The following PAX6 variants were observed in gnomAD, a reference collection of about 807,000 sequenced individuals.
PAX6 encodes the protein paired box protein Pax-6.
Under a neutral mutation model 60.7 loss-of-function variants are expected in PAX6, and 7 were observed. The observed-to-expected ratio is 0.12, with a 90% CI of 0.07 to 0.22. The LOEUF is 0.22. Ranked by LOEUF, PAX6 falls within the 10% of genes least tolerant of loss-of-function variation. PAX6 has a pLI of 1.00. For missense variants in PAX6, 355 were observed against 555.2 expected (o/e 0.64, Z 3.62); for synonymous variants, 208 against 201.2 (o/e 1.03, Z -0.29).
upstream of PAX6, chr11:31,813,099 G>T (rs1957199686): frequency 6.6e-6 from 1 of 152,064 alleles, no homozygotes; most frequent in Non-Finnish European, 1.5e-5. Context: ...GCTGGGGAGG[G>T]CTGCCGGCTC....
At position 31,789,574 on chromosome 11, in the gene PAX6, T is replaced by C; in HGVS notation, c.*360A>G. Reference sequence around the variant, plus strand: ...CAAAGCTTGTTGATCATGGTTTTCTTTTTAAAAAAAAAAAAAACAACTTCA... The same window carrying C: ...CAAAGCTTGTTGATCATGGTTTTCTCTTTAAAAAAAAAAAAAACAACTTCA... On this transcript the variant is annotated 3_prime_UTR_variant, in exon 14 of 14. Transcript: ENST00000640368. 1 of 607,196 alleles carries C rather than the reference T, an allele frequency of 1.6e-6. No individual in the cohort carries two copies. Among genetic ancestry groups the C allele is most frequent in the Non-Finnish European group, 2.9e-6 (1 of 345,768 alleles). The allele number at this position is 607,196 out of a possible 1,614,324, so 37.6% of individuals were successfully genotyped here.
chr11:31,799,325 G>T (rs998752339), intron 8 of PAX6, among the ~76,000 whole-genome samples: 2 of 152,056 alleles, frequency 1.3e-5, no homozygotes, highest in African/African-American at 4.8e-5. Flanking sequence ...GGCCCCGCGC[G>T]TCAGGAGGCC....
At chr11:31,795,049 G>A (rs976730756) in intron 8 of PAX6, among the ~76,000 whole-genome samples, 1 of 152,146 alleles carries the variant, frequency 6.6e-6, no homozygotes, top group African/African-American at 2.4e-5. Flanking sequence ...AATAAGCACT[G>A]AAGTTTCCAA....
intron 12 of PAX6, chr11:31,793,174 A>T: frequency 3.1e-6 from 2 of 637,282 alleles, no homozygotes; most frequent in Non-Finnish European, 5.7e-6. Flanking sequence ...ACCCAACATT[A>T]TCAAGGTAAC....
chr11:31,805,617 C>G (rs1955536285), intron 4 of PAX6: 1 of 152,712 alleles, frequency 6.5e-6, no homozygotes, highest in South Asian at 2.1e-4. Flanking sequence ...TCTAGACTAG[C>G]CCTGCCGCGT....
At chr11:31,797,805 G>A (rs1415647867) in intron 8 of PAX6, among the ~76,000 whole-genome samples, 3 of 152,168 alleles carry the variant, frequency 2.0e-5, no homozygotes, top group Non-Finnish European at 2.9e-5. Context: ...CTAAGTGGTG[G>A]ACAATTAAGA....
chr11:31,806,108 G>T (rs1188307858), intron 4 of PAX6: 4 of 451,850 alleles, frequency 8.9e-6, no homozygotes, highest in South Asian at 4.9e-5. Context: ...GGCGAGAGGG[G>T]GTGTGAGTTA....
intron 1 of PAX6, among the ~76,000 whole-genome samples, chr11:31,817,635 C>T (rs949007452): frequency 2.6e-5 from 4 of 152,240 alleles, no homozygotes; most frequent in African/African-American, 7.2e-5. Flanking sequence ...CCTCCACCCC[C>T]CTTCCTATCC....
chr11:31,795,387 G>T (rs1951171057), intron 8 of PAX6, among the ~76,000 whole-genome samples: 1 of 152,190 alleles, frequency 6.6e-6, no homozygotes. Flanking sequence ...TTGTATGAGT[G>T]CGCTTCGCCT....
intron 12 of PAX6, chr11:31,792,344 G>A (rs1950203066): frequency 6.6e-6 from 1 of 152,194 alleles, no homozygotes; most frequent in Non-Finnish European, 1.5e-5. Context: ...ATATCCAGAT[G>A]CAATAAAAAT....
At position 31,802,669 on chromosome 11, in the gene PAX6, G is replaced by C. The variant is rs191712324; in HGVS notation, c.141+35C>G. The C allele has an allele frequency of 3.8e-6, 6 of 1,598,716 alleles. No homozygotes were observed. The African/African-American group carries it at 4.0e-5, about 11-fold the overall frequency. ...GAGGGCGTTGAGAGTGGAGGGCCGC[G>C]GGGGCGGCGAGTGGGGCGGCGCCGG... On this transcript the variant is annotated intron_variant, in intron 5 of 13. Coordinates refer to ENST00000640368, the MANE Select transcript of PAX6 (RefSeq NM_001368894.2).
At chr11:31,802,214 TACTC>T (rs1333203574) in intron 5 of PAX6, 5 of 416,966 alleles carry the variant, frequency 1.2e-5, no homozygotes, top group East Asian at 4.9e-5. Flanking sequence ...CTTTAAAAAA[TACTC>T]AATTGAGTAA....
Position 31,789,543 on chromosome 11 carries a change from T to G in PAX6, c.*391A>C. The stretch of plus-strand genomic sequence containing the variant: ...ATATATCTTGATAAAACTCTTAAAT[T>G]CGTGGCAAAGCTTGTTGATCATGGT... On this transcript the variant is annotated 3_prime_UTR_variant, in exon 14 of 14. Transcript: ENST00000640368. The G allele has an allele frequency of 1.7e-6, 1 of 599,864 alleles. No individual in the cohort carries two copies. Among genetic ancestry groups the G allele is most frequent in the Non-Finnish European group, 2.9e-6 (1 of 341,824 alleles). 37.2% of individuals were successfully genotyped at this position (599,864 alleles called of 1,614,324 possible).
chr11:31,813,059 TG>T (rs1336700030), upstream of PAX6: 1 of 151,596 alleles, frequency 6.6e-6, no homozygotes, highest in African/African-American at 2.4e-5. Flanking sequence ...TAGCCAGAGG[TG>T]GGGTCGCATA....
chr11:31,803,669 G>A (rs985818195), intron 4 of PAX6: 1 of 152,494 alleles, frequency 6.6e-6, no homozygotes, highest in Admixed American at 6.5e-5. Flanking sequence ...TTAGAGCCGG[G>A]AGTCGGTTCG....
Position 31,793,512 on chromosome 11 carries a change from T to A in PAX6, c.1000A>T (p.Thr334Ser). 6.2e-7 allele frequency: 1 copy of A among 1,614,208 alleles called. No homozygotes were observed. Among genetic ancestry groups the A allele is most frequent in the South Asian group, 1.1e-5 (1 of 91,090 alleles). Residue 334 changes from threonine to serine, a missense_variant, in exon 12 of 14, where the codon ACA becomes TCA. Thr to Ser is a moderately conservative substitution (Grantham distance 58, BLOSUM62 1). Around this residue, in one of 5 missense-constraint regions of PAX6, gnomAD observed 149 missense variants for 191.9 expected, o/e 0.78. Transcript: ENST00000640368. Reference protein sequence around the residue: ...TSGSMLGRTDTALTNTYSALP... With the variant: ...TSGSMLGRTDSALTNTYSALP... ...GCGCTGTAGGTGTTTGTGAGGGCTG[T>A]GTCTGTTCGGCCCAACATGGAGCCA...
chr11:31,801,611 G>A lies in PAX6; in HGVS notation c.349C>T (p.Arg117Ter), dbSNP rs121907914. 6.2e-7 allele frequency: 1 copy of A among 1,614,056 alleles called. No individual in the cohort carries two copies. The highest frequency in any genetic ancestry group is 8.5e-7 in the Non-Finnish European group (1 of 1,180,016). Residue 117 changes from arginine to a stop codon, truncating the protein, a stop_gained, in exon 7 of 14, where the codon CGA becomes TGA. Coordinates refer to ENST00000640368, the MANE Select transcript of PAX6 (RefSeq NM_001368894.2). LOFTEE classifies it high-confidence loss of function. ...ACCCCCTCGGACAGTAATCTGTCTC[G>A]GATTTCCCAAGCAAAGATGGACGGG... is the stretch of plus-strand genomic sequence containing the variant. ...ECPSIFAWEI[R>*]DRLLSEGVCT...
rs530931929 is a variant in PAX6 at position 31,789,093 on chromosome 11, G to A, written c.*841C>T. On this transcript the variant is annotated 3_prime_UTR_variant, in exon 14 of 14. Coordinates refer to ENST00000640368, the MANE Select transcript of PAX6 (RefSeq NM_001368894.2). ...TCTAGATGCACAAAATGATTGGACC[G>A]TGAACAGTAATACAACTATATCTAA... is the stretch of plus-strand genomic sequence containing the variant. The A allele has an allele frequency of 3.1e-4, 62 of 201,840 alleles. 1 individual carries two copies. Among genetic ancestry groups the A allele is most frequent in the Admixed American group, 1.0e-3 (17 of 16,702 alleles). The allele number at this position is 201,840 out of a possible 1,614,324, so 12.5% of individuals were successfully genotyped here. A position where few individuals can be genotyped will look rare whatever the true frequency, so the allele number is the denominator to read the frequency against.
intron 7 of PAX6, 75 bp downstream of exon 7, chr11:31,801,486 A>G (rs1953818826): frequency 6.2e-7 from 1 of 1,609,602 alleles, no homozygotes; most frequent in Admixed American, 1.7e-5. Context: ...CAGTGGAGAG[A>G]GAGGGTGGGA....
Sources: gnomAD v4.1 joint callset for allele counts (sites outside exome capture counted in the v4.1 genomes callset) on GRCh38, gnomAD v4.1.1 for gene constraint, gnomAD v4.1.1 regional missense constraint, MANE v1.5 for transcripts, NCBI Gene and HGNC (gene_info 2026-07-23, HGNC 2026-07-21) for gene names.